Variants in LGI2 observed in about 807,000 individuals in gnomAD.
LGI2 encodes leucine rich repeat LGI family member 2, also known as leucine-rich repeat LGI family member 2.
Under a neutral mutation model 52.0 loss-of-function variants are expected in LGI2, and 30 were observed. That is an observed-to-expected ratio of 0.58 (90% CI 0.43 to 0.78). LGI2 has a LOEUF of 0.78. LGI2 is among the 30% of genes least tolerant of loss of function. The probability of loss-of-function intolerance (pLI) is 0.00; values close to 1 mark genes in which losing one functional copy is unlikely to be tolerated. For missense variants in LGI2, 573 were observed against 692.5 expected, an observed-to-expected ratio of 0.83 and a Z score of 1.94; for synonymous variants, 270 against 271.8, an observed-to-expected ratio of 0.99 and a Z score of 0.06.
chr4:25,027,739 A>G (rs766729187), intron 2 of LGI2, among the ~76,000 whole-genome samples: 1 of 152,244 alleles, frequency 6.6e-6, no homozygotes, highest in East Asian at 1.9e-4. Flanking sequence ...AGAAACCAAC[A>G]CAGATCAAGA....
rs1725184933 is a variant in LGI2 at position 24,999,812 on chromosome 4, G to A, written c.*3639C>T. On this transcript the variant is annotated 3_prime_UTR_variant, in exon 8 of 8. Coordinates refer to ENST00000382114, the MANE Select transcript of LGI2 (RefSeq NM_018176.4). Reference sequence around the variant, plus strand: ...AAAATGCAACTCTGCCATTTCCAGTGTGCTTCCTGAAGGCTGATGACGGCC... The same window carrying A: ...AAAATGCAACTCTGCCATTTCCAGTATGCTTCCTGAAGGCTGATGACGGCC... The A allele has an allele frequency of 2.2e-6, 1 of 456,050 alleles. No individual in the cohort carries two copies. The highest frequency in any genetic ancestry group is 2.0e-5 in the African/African-American group (1 of 50,064). 28.3% of individuals were successfully genotyped at this position (456,050 alleles called of 1,614,324 possible). A position where few individuals can be genotyped will look rare whatever the true frequency, so the allele number is the denominator to read the frequency against.
At chr4:25,019,778 T>G (rs1725896184) in intron 4 of LGI2, among the ~76,000 whole-genome samples, 1 of 152,214 alleles carries the variant, frequency 6.6e-6, no homozygotes, top group African/African-American at 2.4e-5. Context: ...TCACCACTTC[T>G]CAGGCCTCTG....
rs1395361947 is a variant in LGI2, at chr4:25,000,737, A to AC, written c.*2713dup. 18 of 151,956 alleles carry AC rather than the reference A, an allele frequency of 1.2e-4. No homozygotes were observed. Among genetic ancestry groups the AC allele is most frequent in the African/African-American group, 4.1e-4 (17 of 41,422 alleles). 9.4% of individuals were successfully genotyped at this position (151,956 alleles called of 1,614,324 possible). ...GGGAGGGAAAGTAGAAGAAAGATCC[A>AC]CCCCCTCCTTCAAGCTGATCTCCAC... On this transcript the variant is annotated 3_prime_UTR_variant, in exon 8 of 8. Transcript: ENST00000382114.
chr4:25,018,115 A>T lies in LGI2; in HGVS notation c.529T>A (p.Trp177Arg). ...GTCATCTTCAACCACAGGTATAGCC[A>T]CTTGGCTTTGCAGTCACATTCAAAT... Reference protein sequence around the residue: ...NKFECDCKAKWLYLWLKMTNS... With the variant: ...NKFECDCKAKRLYLWLKMTNS... Residue 177 changes from tryptophan (W) to arginine (R), a missense_variant, in exon 6 of 8, where the codon TGG becomes AGG. Coordinates refer to ENST00000382114, the MANE Select transcript of LGI2 (RefSeq NM_018176.4). The T allele has an allele frequency of 1.2e-6, 2 of 1,610,292 alleles. No homozygotes were observed. Among genetic ancestry groups the T allele is most frequent in the Non-Finnish European group, 1.7e-6 (2 of 1,178,824 alleles).
At chr4:24,998,339 A>G (rs1206741389), downstream of LGI2, among the ~76,000 whole-genome samples, 4 of 152,236 alleles carry the variant, frequency 2.6e-5, no homozygotes, top group African/African-American at 9.6e-5. Flanking sequence ...CACAATAAGT[A>G]CACAGTCATA....
intron 3 of LGI2, among the ~76,000 whole-genome samples, chr4:25,026,301 A>G (rs565509560): frequency 6.6e-6 from 1 of 152,246 alleles, no homozygotes; most frequent in Admixed American, 6.5e-5. Flanking sequence ...GGCAGAAATC[A>G]GAACAAGGGC....
chr4:25,026,068 CA>C (rs1457966737), intron 3 of LGI2, among the ~76,000 whole-genome samples: 1 of 151,714 alleles, frequency 6.6e-6, no homozygotes, highest in Non-Finnish European at 1.5e-5. Context: ...CATCTTTTCT[CA>C]AGACACAAAG....
At chr4:24,992,680 T>A in the LGI2 span, among the ~76,000 whole-genome samples, 1 of 152,094 alleles carries the variant, frequency 6.6e-6, no homozygotes, top group Non-Finnish European at 1.5e-5. Context: ...CGAAACTCTG[T>A]CTCAAAAAGA....
rs1560286368 is a variant in LGI2 at position 25,003,290 on chromosome 4, CT to C, written c.*160del. The C allele has an allele frequency of 5.3e-6, 3 of 564,706 alleles. No homozygotes were observed. In the South Asian group the frequency reaches 8.7e-5, roughly 16 times the overall value. 35.0% of individuals were successfully genotyped at this position (564,706 alleles called of 1,614,324 possible). A position where few individuals can be genotyped will look rare whatever the true frequency, so the allele number is the denominator to read the frequency against. ...TGCAGTTAGCCAATAAATGCAATCC[CT>C]GATTAAAATGTGAGTTCTAAAAGTT... On this transcript the variant is annotated 3_prime_UTR_variant, in exon 8 of 8. Transcript: ENST00000382114.
rs1725235618 is a variant in LGI2, at chr4:25,001,419, C to T, written c.*2032G>A. The T allele has an allele frequency of 2.6e-5, 4 of 152,146 alleles. No homozygotes were observed. Among genetic ancestry groups the T allele is most frequent in the Admixed American group, 2.6e-4 (4 of 15,268 alleles). The allele number at this position is 152,146 out of a possible 1,614,324, so 9.4% of individuals were successfully genotyped here. A position where few individuals can be genotyped will look rare whatever the true frequency, so the allele number is the denominator to read the frequency against. On this transcript the variant is annotated 3_prime_UTR_variant, in exon 8 of 8. Transcript: ENST00000382114. The stretch of plus-strand genomic sequence containing the variant: ...AGTTTGCCAAGTACCCATTTTTCTG[C>T]CCAGGTTTATCTGAGTGGTTCCATG...
At chr4:25,029,212 C>T (rs1032388880) in intron 1 of LGI2, among the ~76,000 whole-genome samples, 3 of 152,200 alleles carry the variant, frequency 2.0e-5, no homozygotes, top group Non-Finnish European at 2.9e-5. Context: ...TTCAGAATTC[C>T]TTTCAGTTGG....
At chr4:25,014,481 C>T (rs1352417176) in intron 6 of LGI2, among the ~76,000 whole-genome samples, 4 of 39,900 alleles carry the variant, frequency 1.0e-4, no homozygotes, top group Admixed American at 2.7e-4. Context: ...CCCCCGCCCC[C>T]GCCAAAAAAA....
At chr4:25,026,591 T>C (rs1035812494) in intron 3 of LGI2, among the ~76,000 whole-genome samples, 5 of 152,174 alleles carry the variant, frequency 3.3e-5, no homozygotes, top group South Asian at 4.1e-4. Flanking sequence ...CAACTTCCAA[T>C]TGTGCTTACT....
chr4:25,021,551 G>C (rs987520009), intron 4 of LGI2, among the ~76,000 whole-genome samples: 5 of 152,178 alleles, frequency 3.3e-5, no homozygotes, highest in Non-Finnish European at 7.3e-5. Context: ...TTTTTAGAAG[G>C]GGAGGGAGGT....
At chr4:25,028,708 GC>G in intron 1 of LGI2, 130 bp from the exon 2 acceptor site, 1 of 722,116 alleles carries the variant, frequency 1.4e-6, no homozygotes, top group Non-Finnish European at 2.4e-6. Context: ...TAGCACAGTT[GC>G]CCAGGATCTT....
intron 6 of LGI2, 22 bp from the exon 7 acceptor site, chr4:25,012,521 G>A: frequency 6.2e-7 from 1 of 1,610,554 alleles, no homozygotes; most frequent in Non-Finnish European, 8.5e-7. Context: ...TGTTTAAAAA[G>A]AAAAGCGTTC....
chr4:25,027,947 G>C (rs1380772583), intron 2 of LGI2, among the ~76,000 whole-genome samples: 2 of 152,202 alleles, frequency 1.3e-5, no homozygotes, highest in Admixed American at 6.5e-5. Flanking sequence ...TTTGGCCCTG[G>C]ACTAGAATCT....
downstream of LGI2, among the ~76,000 whole-genome samples, chr4:24,996,574 A>G (rs1303539024): frequency 6.6e-6 from 1 of 152,214 alleles, no homozygotes; most frequent in Non-Finnish European, 1.5e-5. Flanking sequence ...GCCCGGGACA[A>G]GCATCAAAAG....
chr4:25,011,784 G>A (rs1480101816), intron 7 of LGI2, among the ~76,000 whole-genome samples: 1 of 152,096 alleles, frequency 6.6e-6, no homozygotes, highest in Non-Finnish European at 1.5e-5. Context: ...ATCCCATGAC[G>A]GCACTGAAAG....
Sources: gnomAD v4.1 joint callset for allele counts (sites outside exome capture counted in the v4.1 genomes callset) on GRCh38, gnomAD v4.1.1 for gene constraint, MANE v1.5 for transcripts, NCBI Gene and HGNC (gene_info 2026-07-23, HGNC 2026-07-21) for gene names.